Variants in NCAM1 observed in about 807,000 individuals in gnomAD.
NCAM1 encodes the protein neural cell adhesion molecule 1.
In NCAM1, 14 loss-of-function variants were observed where a neutral mutation model predicts 109.8. The observed-to-expected ratio is 0.13, with a 90% CI of 0.08 to 0.20. The LOEUF is 0.20. Among genes scored for constraint, NCAM1 ranks in the 10% least tolerant of loss-of-function variants. NCAM1 has a pLI of 1.00. For missense variants in NCAM1, 774 were observed against 1,109.9 expected, an observed-to-expected ratio of 0.70 and a Z score of 4.30; for synonymous variants, 418 against 442.9, an observed-to-expected ratio of 0.94 and a Z score of 0.70.
chr11:113,090,497 A>T (rs142046281), intron 1 of NCAM1, among the ~76,000 whole-genome samples: 79 of 152,326 alleles, frequency 5.2e-4, no homozygotes, highest in African/African-American at 1.7e-3. Context: ...TATATGCAAC[A>T]TTAAGGCCAA....
chr11:113,028,630 T>C (rs782302721), intron 1 of NCAM1, among the ~76,000 whole-genome samples: 3 of 152,230 alleles, frequency 2.0e-5, no homozygotes, highest in Non-Finnish European at 4.4e-5. Context: ...ATTATAAAGT[T>C]ATCTAGTGAA....
chr11:112,991,883 A>C (rs1417027766), intron 1 of NCAM1, among the ~76,000 whole-genome samples: 1 of 152,226 alleles, frequency 6.6e-6, no homozygotes, highest in African/African-American at 2.4e-5. Flanking sequence ...GTAACAGTTT[A>C]CATCTGTTTC....
In NCAM1 at chr11:113,273,590, G is replaced by C. The variant is rs1555125954; in HGVS notation, c.2457-1677G>C. 1 of 438,224 alleles carries C rather than the reference G, an allele frequency of 2.3e-6. No individual in the cohort carries two copies. The highest frequency in any genetic ancestry group is 2.4e-5 in the Admixed American group (1 of 40,936). The allele number at this position is 438,224 out of a possible 1,614,324, so 27.1% of individuals were successfully genotyped here. On this transcript the variant is annotated intron_variant, in intron 19 of 19. Transcript: ENST00000316851. This position sits in a 1 kb window ranked among gnomAD's most constrained non-coding sequence, Gnocchi z 6.0. Reference sequence around the variant, plus strand: ...CTTCCCAGGGCGAGGACTTTAAAATGGACGAAGGGAACTTCAAGACCCCAG... The same window carrying C: ...CTTCCCAGGGCGAGGACTTTAAAATCGACGAAGGGAACTTCAAGACCCCAG...
At chr11:113,265,033 C>T in intron 17 of NCAM1, 1 of 985,470 alleles carries the variant, frequency 1.0e-6, no homozygotes. Context: ...GCCCATGCTC[C>T]ACACACCATG....
chr11:113,158,094 T>C (rs1414193193), intron 1 of NCAM1, among the ~76,000 whole-genome samples: 1 of 152,168 alleles, frequency 6.6e-6, no homozygotes, highest in Non-Finnish European at 1.5e-5. Flanking sequence ...TAATAATATA[T>C]ATAATATCTA....
intron 2 of NCAM1, 115 bp downstream of exon 2, chr11:113,202,568 C>A: frequency 1.1e-6 from 1 of 899,050 alleles, no homozygotes; most frequent in Non-Finnish European, 1.7e-6. Context: ...GAATTCTTGG[C>A]ATTGCTCTAT....
chr11:113,207,971 G>A lies in NCAM1; in HGVS notation c.885G>A (p.Glu295=). 1 of 1,611,250 alleles carries A rather than the reference G, an allele frequency of 6.2e-7. No homozygotes were observed. Among genetic ancestry groups the A allele is most frequent in the South Asian group, 1.1e-5 (1 of 90,108 alleles). ...YICIAENKAG[E]QDATIHLKVF... Reference sequence around the variant, plus strand: ...GCATTGCTGAGAACAAGGCTGGCGAGCAGGATGCGACCATCCACCTCAAAG... The same window carrying A: ...GCATTGCTGAGAACAAGGCTGGCGAACAGGATGCGACCATCCACCTCAAAG... Residue 295 remains glutamate, a synonymous_variant, in exon 7 of 20, where the codon GAG becomes GAA. Coordinates refer to ENST00000316851, the MANE Select transcript of NCAM1 (RefSeq NM_181351.5).
chr11:113,189,204 C>G (rs1943602366), intron 1 of NCAM1, among the ~76,000 whole-genome samples: 1 of 152,052 alleles, frequency 6.6e-6, no homozygotes, highest in Non-Finnish European at 1.5e-5. Flanking sequence ...GTAATCCCAG[C>G]ACTTTGGGAG....
intron 1 of NCAM1, among the ~76,000 whole-genome samples, chr11:113,195,867 C>T (rs1943839968): frequency 6.6e-6 from 1 of 151,736 alleles, no homozygotes; most frequent in South Asian, 2.1e-4. Context: ...CCTGTTATCT[C>T]ATTCTCATTA....
intron 14 of NCAM1, among the ~76,000 whole-genome samples, chr11:113,239,669 G>T (rs1945271518): frequency 1.3e-5 from 2 of 152,006 alleles, no homozygotes; most frequent in Admixed American, 1.3e-4. Context: ...TTCATATGTT[G>T]TCCCCCAGGT....
chr11:113,019,905 C>T (rs868959988), intron 1 of NCAM1, among the ~76,000 whole-genome samples: 2 of 152,238 alleles, frequency 1.3e-5, no homozygotes, highest in Non-Finnish European at 2.9e-5. Flanking sequence ...CGTTTTTCTG[C>T]ATCTGTGTGG....
Position 113,270,352 on chromosome 11 carries a change from G to A in NCAM1, c.2296G>A (p.Gly766Arg), listed in dbSNP as rs781835718. 25 of 1,613,834 alleles carry A rather than the reference G, an allele frequency of 1.5e-5. No homozygotes were observed. The highest frequency in any genetic ancestry group is 1.5e-4 in the Admixed American group (9 of 60,004). The part of the protein sequence containing the change: ...AVNLCGKAGP[G>R]AKGKDMEEGK... Reference sequence around the variant, plus strand: ...CAACCTGTGTGGAAAAGCCGGGCCCGGGGCCAAGGGCAAGGACATGGAGGA... The same window carrying A: ...CAACCTGTGTGGAAAAGCCGGGCCCAGGGCCAAGGGCAAGGACATGGAGGA... The change falls in exon 18 of 20, where the codon GGG (glycine) becomes AGG (arginine). Residue 766 changes from glycine to arginine, a missense_variant. Coordinates refer to ENST00000316851, the MANE Select transcript of NCAM1 (RefSeq NM_181351.5).
At chr11:113,221,405 G>A (rs1944689495) in intron 9 of NCAM1, 80 bp downstream of exon 9, 2 of 1,418,726 alleles carry the variant, frequency 1.4e-6, no homozygotes. Context: ...TTAATAACCA[G>A]ACATGCTAAA....
intron 1 of NCAM1, among the ~76,000 whole-genome samples, chr11:113,110,346 C>A (rs568186956): frequency 6.6e-6 from 1 of 152,280 alleles, no homozygotes; most frequent in East Asian, 1.9e-4. Flanking sequence ...GAATCTCTGA[C>A]AACTGAAAAC....
At chr11:113,037,350 C>T (rs1278972506) in intron 1 of NCAM1, among the ~76,000 whole-genome samples, 2 of 152,134 alleles carry the variant, frequency 1.3e-5, no homozygotes, top group Non-Finnish European at 2.9e-5. Context: ...TTGCTCTTTT[C>T]CTGCCCAGGC....
chr11:112,979,062 T>C (rs1951080785), intron 1 of NCAM1, among the ~76,000 whole-genome samples: 1 of 151,834 alleles, frequency 6.6e-6, no homozygotes, highest in Non-Finnish European at 1.5e-5. Context: ...TTTGAATTGC[T>C]TTCTGTAATA....
intron 1 of NCAM1, 171 bp from the exon 2 acceptor site, chr11:113,202,208 T>C (rs1944083406): frequency 4.3e-6 from 3 of 693,920 alleles, no homozygotes; most frequent in Non-Finnish European, 2.4e-6. Context: ...GCACAAGTTC[T>C]CAAACTCCAC....
intron 1 of NCAM1, among the ~76,000 whole-genome samples, chr11:113,091,169 A>C (rs1274798207): frequency 6.6e-6 from 1 of 152,170 alleles, no homozygotes; most frequent in East Asian, 1.9e-4. Flanking sequence ...ATCTATTTTA[A>C]GATATAAGCC....
Position 113,274,309 on chromosome 11 carries a change from G to A in NCAM1, c.2457-958G>A, listed in dbSNP as rs967022357. ...GCTCTTAGAGTGGCTGGGAAGACTC[G>A]GGGCTCCCCAGCATCAAATGGCTGC... is the stretch of plus-strand genomic sequence containing the variant. On this transcript the variant is annotated intron_variant, in intron 19 of 19. Transcript: ENST00000316851. The surrounding 1 kb of genome is among the most constrained non-coding windows in gnomAD (Gnocchi z 4.1). 1.3e-5 allele frequency among the ~76,000 whole-genome samples: 2 copies of A among 152,150 alleles called. No homozygotes were observed. The highest frequency in any genetic ancestry group is 6.5e-5 in the Admixed American group (1 of 15,276).
Sources: gnomAD v4.1 joint callset for allele counts (sites outside exome capture counted in the v4.1 genomes callset) on GRCh38, gnomAD v4.1.1 for gene constraint, Gnocchi (gnomAD v3.1) non-coding constraint, MANE v1.5 for transcripts, NCBI Gene and HGNC (gene_info 2026-07-23, HGNC 2026-07-21) for gene names.